Variants in MSRA observed in about 807,000 individuals in gnomAD.
MSRA encodes the protein methionine sulfoxide reductase A.
In MSRA, 54 loss-of-function variants were observed where a neutral mutation model predicts 31.3. The ratio of observed to expected loss-of-function variants is 1.73; its 90% CI spans 1.39 to 2.17. The LOEUF (loss-of-function observed/expected upper bound fraction) is 2.17. MSRA is among the 30% of genes most tolerant of loss of function. The pLI, the probability that MSRA is intolerant of heterozygous loss-of-function variation, is 0.00. For synonymous variants in MSRA, 169 were observed against 116.5 expected (o/e 1.45, Z -2.90); for missense variants, 507 against 300.9 (o/e 1.69, Z -5.07).
At chr8:10,152,134 T>A (rs955909416) in intron 1 of MSRA, among the ~76,000 whole-genome samples, 1 of 152,234 alleles carries the variant, frequency 6.6e-6, no homozygotes, top group Non-Finnish European at 1.5e-5. Flanking sequence ...GTGTGTGTAT[T>A]GCAGTGGAAA....
chr8:10,156,845 T>A (rs78124044), intron 1 of MSRA, among the ~76,000 whole-genome samples: 1 of 142,604 alleles, frequency 7.0e-6, no homozygotes, highest in Non-Finnish European at 1.5e-5. Context: ...TCTTTAGAAA[T>A]TGGATTCTTT....
intron 1 of MSRA, among the ~76,000 whole-genome samples, chr8:10,190,149 T>C (rs1384408044): frequency 6.6e-6 from 1 of 152,136 alleles, no homozygotes; most frequent in Non-Finnish European, 1.5e-5. Context: ...AGAGGGCGCT[T>C]TGGGGGAGGG....
intron 1 of MSRA, among the ~76,000 whole-genome samples, chr8:10,105,948 C>G (rs1585157926): frequency 6.6e-6 from 1 of 152,252 alleles, no homozygotes; most frequent in East Asian, 1.9e-4. Flanking sequence ...GCAGCACTCC[C>G]TCTTTCCCTG....
intron 3 of MSRA, among the ~76,000 whole-genome samples, chr8:10,254,691 G>A (rs190296607): frequency 1.1e-3 from 163 of 152,300 alleles, no homozygotes; most frequent in African/African-American, 3.5e-3. Flanking sequence ...GACAATCTCC[G>A]CTGGTGGGAT....
Position 10,073,263 on chromosome 8 carries a change from T to A in MSRA, c.142+18605T>A, listed in dbSNP as rs1392965770. Among the ~76,000 whole-genome samples, 6 of 152,212 alleles carry A rather than the reference T, an allele frequency of 3.9e-5. No individual in the cohort carries two copies. The East Asian group carries it at 1.2e-3, about 29-fold the overall frequency. On this transcript the variant is annotated intron_variant, in intron 1 of 5. Coordinates refer to ENST00000317173, the MANE Select transcript of MSRA (RefSeq NM_012331.5). ...TGTCAGCTGTAGGCTTTTTTGCAGA[T>A]GCTGTTTATTGAGTTACGGTAGTTC...
chr8:10,061,585 T>C (rs1802731526), intron 1 of MSRA, among the ~76,000 whole-genome samples: 1 of 152,112 alleles, frequency 6.6e-6, no homozygotes, highest in Non-Finnish European at 1.5e-5. Context: ...CCAAGAGTGC[T>C]GCCCACCAAG....
chr8:10,411,738 C>G (rs1282211687), intron 5 of MSRA, among the ~76,000 whole-genome samples: 1 of 152,224 alleles, frequency 6.6e-6, no homozygotes, highest in African/African-American at 2.4e-5. Context: ...GTTGCTAAGT[C>G]TCATTTTTTA....
intron 5 of MSRA, among the ~76,000 whole-genome samples, chr8:10,396,088 A>G (rs1379792233): frequency 1.3e-5 from 2 of 152,006 alleles, no homozygotes; most frequent in East Asian, 1.9e-4. Flanking sequence ...GCACCTTTTC[A>G]TCTCTCAGGC....
intron 2 of MSRA, among the ~76,000 whole-genome samples, chr8:10,243,534 G>A (rs1234128784): frequency 1.3e-5 from 2 of 151,920 alleles, no homozygotes; most frequent in Admixed American, 6.6e-5. Context: ...TATAGTGGCG[G>A]GTAACATAAG....
intron 2 of MSRA, among the ~76,000 whole-genome samples, chr8:10,244,892 A>G (rs1294659183): frequency 6.6e-6 from 1 of 152,182 alleles, no homozygotes; most frequent in Non-Finnish European, 1.5e-5. Flanking sequence ...AGCTAAAGCA[A>G]AGAGATATTC....
At chr8:10,358,236 C>T (rs1344862569) in intron 5 of MSRA, among the ~76,000 whole-genome samples, 3 of 152,090 alleles carry the variant, frequency 2.0e-5, no homozygotes, top group Non-Finnish European at 4.4e-5. Context: ...GCGATGTGAG[C>T]CACCACTCCT....
intron 5 of MSRA, among the ~76,000 whole-genome samples, chr8:10,404,200 G>A (rs764304242): frequency 6.6e-6 from 1 of 152,088 alleles, no homozygotes; most frequent in African/African-American, 2.4e-5. Flanking sequence ...CCACAATGCC[G>A]GGAAAGTGAG....
chr8:10,273,131 G>A (rs751869952), intron 3 of MSRA, among the ~76,000 whole-genome samples: 1 of 152,142 alleles, frequency 6.6e-6, no homozygotes, highest in Non-Finnish European at 1.5e-5. Context: ...GATAAAATTA[G>A]CATTCAGTAG....
intron 3 of MSRA, among the ~76,000 whole-genome samples, chr8:10,251,867 G>GGC (rs1554505683): frequency 2.0e-5 from 3 of 151,728 alleles, no homozygotes; most frequent in African/African-American, 7.3e-5. Flanking sequence ...ATGGTGGGGG[G>GGC]GGGGGGACAT....
intron 2 of MSRA, among the ~76,000 whole-genome samples, chr8:10,218,049 G>A (rs940682295): frequency 6.6e-6 from 1 of 151,898 alleles, no homozygotes; most frequent in Non-Finnish European, 1.5e-5. Flanking sequence ...GAGTGAGAGG[G>A]CTGATCAGCA....
At chr8:10,231,716 A>C (rs550708328) in intron 2 of MSRA, among the ~76,000 whole-genome samples, 1 of 152,262 alleles carries the variant, frequency 6.6e-6, no homozygotes, top group South Asian at 2.1e-4. Flanking sequence ...CAGCCTGGTC[A>C]ACATGGTGAA....
chr8:10,087,468 A>G (rs1048754067), intron 1 of MSRA, among the ~76,000 whole-genome samples: 1 of 152,202 alleles, frequency 6.6e-6, no homozygotes, highest in Non-Finnish European at 1.5e-5. Flanking sequence ...GAGTGAATGG[A>G]TGTGTCTAAC....
At chr8:10,385,869 C>T (rs1024030764) in intron 5 of MSRA, among the ~76,000 whole-genome samples, 2 of 151,920 alleles carry the variant, frequency 1.3e-5, no homozygotes, top group Non-Finnish European at 2.9e-5. Flanking sequence ...GTGGAGAGAG[C>T]CCAGGAAGAG....
intron 5 of MSRA, among the ~76,000 whole-genome samples, chr8:10,323,092 A>G (rs1157793569): frequency 6.7e-6 from 1 of 150,010 alleles, no homozygotes; most frequent in African/African-American, 2.5e-5. Context: ...TCCATCTCAA[A>G]AAAAAAAAAA....
Sources: allele counts gnomAD v4.1 joint callset (sites outside exome capture counted in the v4.1 genomes callset), GRCh38; gene constraint gnomAD v4.1.1; transcripts MANE v1.5; gene names NCBI Gene and HGNC (gene_info 2026-07-23, HGNC 2026-07-21).